Variants in ITPR3 observed in about 807,000 individuals in gnomAD.
ITPR3 encodes inositol 1,4,5-trisphosphate receptor type 3, also known as inositol 1,4,5-trisphosphate-gated calcium channel ITPR3.
ITPR3 carries 173 observed loss-of-function variants against 293.2 expected under a neutral mutation model. The ratio of observed to expected loss-of-function variants is 0.59; its 90% CI spans 0.52 to 0.67. The LOEUF is 0.67. ITPR3 is among the 30% of genes least tolerant of loss of function. ITPR3 has a pLI of 0.00. For synonymous variants in ITPR3, 1,295 were observed against 1,444.4 expected (o/e 0.90, Z 2.35); for missense variants, 2,796 against 3,592.1 (o/e 0.78, Z 5.66).
chr6:33,653,139 C>T (rs897785807), intron 2 of ITPR3, among the ~76,000 whole-genome samples: 1 of 151,816 alleles, frequency 6.6e-6, no homozygotes, highest in East Asian at 1.9e-4. Flanking sequence ...GAAATCTTGG[C>T]TCAAGCGAAC....
chr6:33,628,502 A>G (rs1763599304), intron 1 of ITPR3, among the ~76,000 whole-genome samples: 1 of 152,198 alleles, frequency 6.6e-6, no homozygotes. Flanking sequence ...CAGGGGACTG[A>G]GAAGAGAAGT....
chr6:33,683,162 C>T lies in ITPR3; in HGVS notation c.4598-45C>T, dbSNP rs1765123965. 1 of 1,404,244 alleles carries T rather than the reference C, an allele frequency of 7.1e-7. No homozygotes were observed. The highest frequency in any genetic ancestry group is 2.1e-4 in the Middle Eastern group (1 of 4,850). The allele number at this position is 1,404,244 out of a possible 1,614,324, so 87.0% of individuals were successfully genotyped here. On this transcript the variant is annotated intron_variant, in intron 34 of 57. Coordinates refer to ENST00000605930, the MANE Select transcript of ITPR3 (RefSeq NM_002224.4). The surrounding 1 kb of genome is among the most constrained non-coding windows in gnomAD (Gnocchi z 4.5). ...TGAGCCTGGCCTCTGGCTGGCTGAA[C>T]TGCCCCCGCACCAGCACTCCAGCAC...
At position 33,667,986 on chromosome 6, in the gene ITPR3, G is replaced by A. The variant is rs750534402; in HGVS notation, c.1886+22G>A. ...CCAGGTGGGCCCGAACCCCCTCCCC[G>A]GCCGGCGCCTGCTCCTCCCTCCTCC... On this transcript the variant is annotated intron_variant, in intron 16 of 57. Transcript: ENST00000605930. The surrounding 1 kb of genome is among the most constrained non-coding windows in gnomAD (Gnocchi z 4.4). 2.2e-5 allele frequency: 35 copies of A among 1,612,496 alleles called. No individual in the cohort carries two copies. The highest frequency in any genetic ancestry group is 3.0e-5 in the Non-Finnish European group (35 of 1,179,348).
chr6:33,626,181 C>T (rs1213742313), intron 1 of ITPR3, among the ~76,000 whole-genome samples: 1 of 152,140 alleles, frequency 6.6e-6, no homozygotes, highest in East Asian at 1.9e-4. Context: ...GTGATCCTCC[C>T]TCCTCTGCCT....
At position 33,675,923 on chromosome 6, in the gene ITPR3, G is replaced by A. The variant is rs143488093; in HGVS notation, c.3282+67G>A. 5,542 of 1,449,258 alleles carry A rather than the reference G, an allele frequency of 3.8e-3. 15 individuals carry two copies. The highest frequency in any genetic ancestry group is 4.9e-3 in the Admixed American group (185 of 37,996). The allele number at this position is 1,449,258 out of a possible 1,614,324, so 89.8% of individuals were successfully genotyped here. A position where few individuals can be genotyped will look rare whatever the true frequency, so the allele number is the denominator to read the frequency against. On this transcript the variant is annotated intron_variant, in intron 25 of 57. Coordinates refer to ENST00000605930, the MANE Select transcript of ITPR3 (RefSeq NM_002224.4). This position sits in a 1 kb window ranked among gnomAD's most constrained non-coding sequence, Gnocchi z 5.0. ...CACCAGGCACGGGGGGACAGTAAAC[G>A]ATGATTGAGGAGCTCACAGCTCAAG...
chr6:33,686,242 C>T lies in ITPR3; in HGVS notation c.5857C>T (p.His1953Tyr). The change falls in exon 42 of 58, where the codon CAT becomes TAT. Residue 1953 changes from histidine (H) to tyrosine (Y), a missense_variant. His to Tyr is a moderately conservative substitution (Grantham distance 83). Around this residue, in one of 8 missense-constraint regions of ITPR3, gnomAD observed 704 missense variants for 797.5 expected, o/e 0.88. Coordinates refer to ENST00000605930, the MANE Select transcript of ITPR3 (RefSeq NM_002224.4). The part of the protein sequence containing the change: ...TLTEYCQGPC[H>Y]ENQTCIVTHE... Reference sequence around the variant, plus strand: ...CACTGAGTACTGCCAGGGCCCCTGCCATGAGAACCAGGTGAGCTGTCCTGG... The same window carrying T: ...CACTGAGTACTGCCAGGGCCCCTGCTATGAGAACCAGGTGAGCTGTCCTGG... 1 of 1,613,660 alleles carries T rather than the reference C, an allele frequency of 6.2e-7. No individual in the cohort carries two copies.
intron 27 of ITPR3, 135 bp downstream of exon 27, chr6:33,677,224 C>A: frequency 2.3e-6 from 2 of 868,844 alleles, no homozygotes; most frequent in Non-Finnish European, 1.8e-6. Flanking sequence ...GCCTTTGCTG[C>A]ACATTAAAAA....
chr6:33,634,907 G>C (rs938315247), intron 1 of ITPR3, among the ~76,000 whole-genome samples: 1 of 152,072 alleles, frequency 6.6e-6, no homozygotes, highest in African/African-American at 2.4e-5. Context: ...TCTGAGGAGG[G>C]GGACTCTGCG....
chr6:33,647,329 G>A (rs76204971), intron 2 of ITPR3, among the ~76,000 whole-genome samples: 7,245 of 152,234 alleles, frequency 0.048, 213 homozygotes, highest in East Asian at 0.13. Flanking sequence ...CCTGGCAAAA[G>A]TCACTTATTT....
At chr6:33,657,156 A>G (rs1044963797) in intron 3 of ITPR3, among the ~76,000 whole-genome samples, 3 of 152,204 alleles carry the variant, frequency 2.0e-5, no homozygotes, top group African/African-American at 7.2e-5. Context: ...CCTCGGTCTC[A>G]GTAAAGGACT....
At chr6:33,677,187 A>G in intron 27 of ITPR3, 98 bp downstream of exon 27, 2 of 1,078,418 alleles carry the variant, frequency 1.9e-6, no homozygotes, top group Non-Finnish European at 1.4e-6. Context: ...TGTGCTGGCC[A>G]CTGGCCCTCA....
chr6:33,683,172 A>ACCAGCACT lies in ITPR3; in HGVS notation c.4598-24_4598-17dup, dbSNP rs1765124887. ...CTCTGGCTGGCTGAACTGCCCCCGCACCAGCACTCCAGCACTCCCTCCCTT... is the reference window on the plus strand; with the variant it reads ...CTCTGGCTGGCTGAACTGCCCCCGCACCAGCACTCCAGCACTCCAGCACTCCCTCCCTT... On this transcript the variant is annotated intron_variant, in intron 34 of 57. Transcript: ENST00000605930. This position sits in a 1 kb window ranked among gnomAD's most constrained non-coding sequence, Gnocchi z 4.5. 6.9e-7 allele frequency: 1 copy of ACCAGCACT among 1,456,198 alleles called. No homozygotes were observed. The highest frequency in any genetic ancestry group is 9.2e-7 in the Non-Finnish European group (1 of 1,090,356). 90.2% of individuals were successfully genotyped at this position (1,456,198 alleles called of 1,614,324 possible).
At chr6:33,640,309 C>G (rs1389849111) in intron 1 of ITPR3, among the ~76,000 whole-genome samples, 175 bp from the exon 2 acceptor site, 6 of 152,144 alleles carry the variant, frequency 3.9e-5, no homozygotes, top group African/African-American at 1.4e-4. Flanking sequence ...CAAGAGACAC[C>G]TTGCCTTTCA....
intron 28 of ITPR3, 28 bp from the exon 29 acceptor site, chr6:33,678,393 G>GCACC: frequency 6.2e-7 from 1 of 1,609,930 alleles, no homozygotes; most frequent in Non-Finnish European, 8.5e-7. Flanking sequence ...GGTGGGCCCA[G>GCACC]CACCCTCTCC....
intron 1 of ITPR3, 29 bp from the exon 2 acceptor site, chr6:33,640,455 C>A (rs562198727): frequency 1.9e-6 from 3 of 1,607,672 alleles, no homozygotes; most frequent in Non-Finnish European, 2.5e-6. Context: ...TCTCTTCTCT[C>A]CTGCTGACCG....
rs150133961 is a variant in ITPR3, at chr6:33,695,008, A to T, written c.7870A>T (p.Ile2624Phe). 4.3e-6 allele frequency: 7 copies of T among 1,613,886 alleles called. No homozygotes were observed. The highest frequency in any genetic ancestry group is 5.9e-6 in the Non-Finnish European group (7 of 1,180,002). ...CGAGGGGGAGCAGAATGAGATTCGG[A>T]TTCTCCAGGACAAGCTCAACTCCAC... ...EGEGEQNEIR[I>F]LQDKLNSTMK... Residue 2624 changes from isoleucine (I) to phenylalanine (F), a missense_variant, in exon 57 of 58, where the codon ATT (isoleucine) becomes TTT (phenylalanine). Transcript: ENST00000605930.
Position 33,673,717 on chromosome 6 carries a change from A to G in ITPR3, c.3055A>G (p.Thr1019Ala), listed in dbSNP as rs141093312. ...TGGCACAGCCCCTGCCTTCGACTCT[A>G]CCAGTAAGCCCCTGCCCTGCCTTCA... ...ADGTAPAFDSTTANMNLDRIG... is the reference protein window; with the variant it reads ...ADGTAPAFDSATANMNLDRIG... The change falls in exon 23 of 58, where the codon ACC becomes GCC. Residue 1019 changes from threonine (T) to alanine (A), a missense_variant. Thr to Ala is a moderately conservative substitution (Grantham distance 58). This residue lies in a region of ITPR3 where 955 missense variants were observed against 1,180.8 expected (regional missense o/e 0.81). Coordinates refer to ENST00000605930, the MANE Select transcript of ITPR3 (RefSeq NM_002224.4). 20 of 1,613,874 alleles carry G rather than the reference A, an allele frequency of 1.2e-5. No individual in the cohort carries two copies. In the African/African-American group the frequency reaches 2.7e-4, roughly 22 times the overall value.
intron 50 of ITPR3, 35 bp downstream of exon 50, chr6:33,689,445 G>A: frequency 6.3e-7 from 1 of 1,599,784 alleles, no homozygotes; most frequent in Admixed American, 1.7e-5. Flanking sequence ...TCCCAAACAA[G>A]CTCATGCTCA....
chr6:33,628,067 G>A (rs1763590216), intron 1 of ITPR3, among the ~76,000 whole-genome samples: 1 of 152,248 alleles, frequency 6.6e-6, no homozygotes, highest in African/African-American at 2.4e-5. Flanking sequence ...TTGGCCCACT[G>A]GGGCGGTGGC....
Sources: gnomAD v4.1 joint callset for allele counts (sites outside exome capture counted in the v4.1 genomes callset) on GRCh38, gnomAD v4.1.1 for gene constraint, gnomAD v4.1.1 regional missense constraint, Gnocchi (gnomAD v3.1) non-coding constraint, MANE v1.5 for transcripts, NCBI Gene and HGNC (gene_info 2026-07-23, HGNC 2026-07-21) for gene names.